ZNF839: variants seen among roughly 807,000 people sequenced by gnomAD.
ZNF839 encodes the protein renal carcinoma antigen NY-REN-50.
Under a neutral mutation model 56.4 loss-of-function variants are expected in ZNF839, and 38 were observed. That is an observed-to-expected ratio of 0.67 (90% confidence interval 0.52 to 0.88). The LOEUF is 0.88. Among genes scored for constraint, ZNF839 ranks in the 40% least tolerant of loss-of-function variants. ZNF839 has a pLI of 0.00. For missense variants in ZNF839, 1,091 were observed against 1,177.6 expected (o/e 0.93, Z 1.08); for synonymous variants, 486 against 493.5 (o/e 0.98, Z 0.20).
At chr14:102,328,084 G>A (rs2073515805) in intron 2 of ZNF839, among the ~76,000 whole-genome samples, 1 of 151,936 alleles carries the variant, frequency 6.6e-6, no homozygotes, top group Admixed American at 6.6e-5. Flanking sequence ...GCCGGGTGCA[G>A]TGGCTCACAC....
At chr14:102,319,548 A>G (rs1240157355), upstream of ZNF839, 1 of 445,150 alleles carries the variant, frequency 2.2e-6, no homozygotes, top group Non-Finnish European at 3.5e-6. This position sits in a 1 kb window ranked among gnomAD's most constrained non-coding sequence, Gnocchi z 4.5. Context: ...GTGACAGGCA[A>G]TAAGGAAAAT....
chr14:102,333,860 G>A (rs144214805), intron 3 of ZNF839, among the ~76,000 whole-genome samples: 1 of 152,064 alleles, frequency 6.6e-6, no homozygotes, highest in East Asian at 1.9e-4. Flanking sequence ...GGGCCGTTTC[G>A]CCTACCCCAG....
Position 102,342,266 on chromosome 14 carries a change from C to CT in ZNF839, c.*88dup. 2.0e-6 allele frequency: 3 copies of CT among 1,494,028 alleles called. No homozygotes were observed. Among genetic ancestry groups the CT allele is most frequent in the Non-Finnish European group, 2.7e-6 (3 of 1,115,736 alleles). 92.5% of individuals were successfully genotyped at this position (1,494,028 alleles called of 1,614,324 possible). ...AAGTGGAGTCAGATCCTAGATTCGT[C>CT]TGATTTTATCCAGAGAAGGTCTATG... is the stretch of plus-strand genomic sequence containing the variant. On this transcript the variant is annotated 3_prime_UTR_variant, in exon 8 of 8. Coordinates refer to ENST00000442396, the MANE Select transcript of ZNF839 (RefSeq NM_018335.6).
chr14:102,322,147 C>T (rs1240670926), intron 1 of ZNF839, among the ~76,000 whole-genome samples: 1 of 152,210 alleles, frequency 6.6e-6, no homozygotes, highest in African/African-American at 2.4e-5. Context: ...CAGCCCACCA[C>T]CTCTGGGCTG....
intron 1 of ZNF839, among the ~76,000 whole-genome samples, chr14:102,322,873 G>A (rs948176708): frequency 6.6e-6 from 1 of 152,180 alleles, no homozygotes; most frequent in Non-Finnish European, 1.5e-5. Context: ...AAAGAGATGG[G>A]GTTCTTGAAG....
Position 102,341,869 on chromosome 14 carries a change from C to T in ZNF839, c.2474C>T (p.Pro825Leu), listed in dbSNP as rs1567300589. The T allele has an allele frequency of 6.2e-7, 1 of 1,614,082 alleles. No homozygotes were observed. Among genetic ancestry groups the T allele is most frequent in the Non-Finnish European group, 8.5e-7 (1 of 1,179,912 alleles). ...YRTVPKPGPQ[P>L]GPHGSLLTEG... is the part of the protein sequence containing the mutation. ...ACTGTGCCCAAGCCAGGGCCTCAGC[C>T]TGGCCCACATGGATCACTATTGACT... The change falls in exon 8 of 8, where the codon CCT becomes CTT. Residue 825 changes from proline (P) to leucine (L), a missense_variant. Physicochemically the swap from Pro to Leu is moderately conservative, Grantham distance 98. Around this residue, in one of 3 missense-constraint regions of ZNF839, gnomAD observed 431 missense variants for 468.0 expected, o/e 0.92. Transcript: ENST00000442396.
chr14:102,335,650 T>C (rs2073981469), intron 4 of ZNF839, 39 bp from the exon 5 acceptor site: 4 of 1,550,666 alleles, frequency 2.6e-6, no homozygotes, highest in Non-Finnish European at 3.5e-6. Context: ...ATCAGTGCCT[T>C]GAGTTTAAAC....
Position 102,341,553 on chromosome 14 carries a change from GTGGCAGCGT to G in ZNF839, c.2160_2168del (p.Ala721_Phe723del), listed in dbSNP as rs777145535. 1.1e-5 allele frequency: 17 copies of G among 1,612,744 alleles called. No individual in the cohort carries two copies. In the South Asian group the frequency reaches 1.5e-4, roughly 15 times the overall value. Reference sequence around the variant, plus strand: ...GCCTAGGAGGCTGACCCAGGCACAGGTGGCAGCGTTTCCTGGAGAGAATGCTTTGGAACA... The same window carrying G: ...GCCTAGGAGGCTGACCCAGGCACAGGTTCCTGGAGAGAATGCTTTGGAACA... On this transcript the variant is annotated inframe_deletion, in exon 8 of 8. Coordinates refer to ENST00000442396, the MANE Select transcript of ZNF839 (RefSeq NM_018335.6).
At position 102,319,947 on chromosome 14, in the gene ZNF839, T is replaced by TGCTGCGGGACGCGGCGCGGCG. The variant is rs751224829; in HGVS notation, c.198_218dup (p.Arg67_Ala73dup). 3 of 1,182,404 alleles carry TGCTGCGGGACGCGGCGCGGCG rather than the reference T, an allele frequency of 2.5e-6. No individual in the cohort carries two copies. The highest frequency in any genetic ancestry group is 1.6e-5 in the African/African-American group (1 of 61,236). 73.2% of individuals were successfully genotyped at this position (1,182,404 alleles called of 1,614,324 possible). A position where few individuals can be genotyped will look rare whatever the true frequency, so the allele number is the denominator to read the frequency against. ...CCGCCGCCGCCGCCGCCCCCCTTCG[T>TGCTGCGGGACGCGGCGCGGCG]GCTGCGGGACGCGGCGCGGCGGCTG... On this transcript the variant is annotated inframe_insertion, in exon 1 of 8. Transcript: ENST00000442396. The surrounding 1 kb of genome is among the most constrained non-coding windows in gnomAD (Gnocchi z 4.5).
intron 1 of ZNF839, among the ~76,000 whole-genome samples, chr14:102,325,536 T>G (rs979331085): frequency 1.8e-4 from 28 of 151,872 alleles, no homozygotes; most frequent in Admixed American, 4.6e-4. Flanking sequence ...CTCACTCTGT[T>G]GCCCAGGCTG....
chr14:102,326,451 G>T lies in ZNF839; in HGVS notation c.755G>T (p.Arg252Leu). The change falls in exon 2 of 8, where the codon CGG (arginine) becomes CTG (leucine). Residue 252 changes from arginine to leucine, a missense_variant. Physicochemically the swap from Arg to Leu is moderately radical, Grantham distance 102. Around this residue, in one of 3 missense-constraint regions of ZNF839, gnomAD observed 614 missense variants for 629.2 expected, o/e 0.98. Transcript: ENST00000442396. This position sits in a 1 kb window ranked among gnomAD's most constrained non-coding sequence, Gnocchi z 4.3. ...KSLKVKTRSG[R>L]VSRPPKYKAK... is the part of the protein sequence containing the mutation. ...TTAAAAGTAAAGACACGTTCTGGAC[G>T]GGTATCTCGACCTCCCAAATATAAA... is the stretch of plus-strand genomic sequence containing the variant. 6.2e-7 allele frequency: 1 copy of T among 1,613,934 alleles called. No homozygotes were observed.
chr14:102,340,306 C>G lies in ZNF839; in HGVS notation c.1928-1017C>G, dbSNP rs1235202270. 3.1e-5 allele frequency among the ~76,000 whole-genome samples: 4 copies of G among 128,108 alleles called. No homozygotes were observed. The Admixed American group carries it at 3.3e-4, about 11-fold the overall frequency. The allele number at this position is 128,108 out of a possible 152,430, so 84.0% of individuals were successfully genotyped here. ...TTTTTTTTTGAGATGGAGTCTTGCT[C>G]TGTCACCCAGGCTGGAGTGCAATGG... On this transcript the variant is annotated intron_variant, in intron 7 of 7. Coordinates refer to ENST00000442396, the MANE Select transcript of ZNF839 (RefSeq NM_018335.6).
At chr14:102,324,388 C>T (rs2073295018) in intron 1 of ZNF839, among the ~76,000 whole-genome samples, 1 of 152,068 alleles carries the variant, frequency 6.6e-6, no homozygotes, top group South Asian at 2.1e-4. Context: ...ACTAAAAATA[C>T]AAAAATTAGC....
rs1433688908 is a variant in ZNF839 at position 102,326,911 on chromosome 14, G to A, written c.1191+24G>A. On this transcript the variant is annotated intron_variant, in intron 2 of 7. Transcript: ENST00000442396. The surrounding 1 kb of genome is among the most constrained non-coding windows in gnomAD (Gnocchi z 4.3). ...AGGTAATGTTTCTGTCTGGGTATGTGTCTTTTTATTTGGCCGTTCTCGGAT... is the reference window on the plus strand; with the variant it reads ...AGGTAATGTTTCTGTCTGGGTATGTATCTTTTTATTTGGCCGTTCTCGGAT... The A allele has an allele frequency of 6.4e-7, 1 of 1,556,180 alleles. No individual in the cohort carries two copies. Among genetic ancestry groups the A allele is most frequent in the Non-Finnish European group, 8.7e-7 (1 of 1,151,594 alleles).
chr14:102,340,954 C>A lies in ZNF839; in HGVS notation c.1928-369C>A, dbSNP rs565902937. The A allele has an allele frequency of 3.0e-4, 47 of 156,704 alleles. 2 individuals are homozygous for A. The South Asian group carries it at 9.0e-3, about 30-fold the overall frequency. 9.7% of individuals were successfully genotyped at this position (156,704 alleles called of 1,614,324 possible). A position where few individuals can be genotyped will look rare whatever the true frequency, so the allele number is the denominator to read the frequency against. On this transcript the variant is annotated intron_variant, in intron 7 of 7. Coordinates refer to ENST00000442396, the MANE Select transcript of ZNF839 (RefSeq NM_018335.6). ...GCATGGTGGCGCATGCCTGTAATCC[C>A]AGCTATCAGGAGGCTAAGGCAGGAG...
At chr14:102,340,005 C>A (rs1264334233) in intron 7 of ZNF839, among the ~76,000 whole-genome samples, 1 of 151,858 alleles carries the variant, frequency 6.6e-6, no homozygotes, top group African/African-American at 2.4e-5. Context: ...GGGAGTCGCA[C>A]TTTGTCACCC....
At chr14:102,339,314 T>C in intron 7 of ZNF839, 91 bp downstream of exon 7, 5 of 1,498,298 alleles carry the variant, frequency 3.3e-6, no homozygotes, top group South Asian at 2.6e-5. Context: ...ATTTTTCAGG[T>C]TGGGTGACCT....
At chr14:102,335,928 C>T (rs1480633268) in intron 5 of ZNF839, 90 bp downstream of exon 5, 1 of 1,465,676 alleles carries the variant, frequency 6.8e-7, no homozygotes, top group Non-Finnish European at 9.2e-7. Context: ...CTTGTAGTCC[C>T]AGTGCTTTGG....
At chr14:102,324,908 T>C (rs1453174228) in intron 1 of ZNF839, among the ~76,000 whole-genome samples, 2 of 151,976 alleles carry the variant, frequency 1.3e-5, no homozygotes, top group East Asian at 3.9e-4. Context: ...CAAGATAGTG[T>C]CGCTCCACTC....
Sources: allele counts gnomAD v4.1 joint callset (sites outside exome capture counted in the v4.1 genomes callset), GRCh38; gene constraint gnomAD v4.1.1; regional missense constraint gnomAD v4.1.1; non-coding constraint Gnocchi (gnomAD v3.1); transcripts MANE v1.5; gene names NCBI Gene and HGNC (gene_info 2026-07-23, HGNC 2026-07-21).